The following NKAIN2 variants were observed in gnomAD, a reference collection of about 807,000 sequenced individuals.
NKAIN2 encodes sodium/potassium-transporting ATPase subunit beta-1-interacting protein 2.
NKAIN2 carries 14 observed loss-of-function variants against 32.6 expected under a neutral mutation model. That is an observed-to-expected ratio of 0.43 (90% CI 0.28 to 0.67). NKAIN2 has a LOEUF of 0.67. Among genes scored for constraint, NKAIN2 ranks in the 30% least tolerant of loss-of-function variants. The probability of loss-of-function intolerance (pLI) is 0.17; values close to 1 mark genes in which losing one functional copy is unlikely to be tolerated. For missense variants in NKAIN2, 198 were observed against 258.3 expected, an observed-to-expected ratio of 0.77 and a Z score of 1.60; for synonymous variants, 80 against 87.2, an observed-to-expected ratio of 0.92 and a Z score of 0.46.
At chr6:124,394,487 A>ATAGATAGATAGG (rs1053064068) in intron 3 of NKAIN2, among the ~76,000 whole-genome samples, 5 of 151,588 alleles carry the variant, frequency 3.3e-5, no homozygotes, top group Admixed American at 3.3e-4. Flanking sequence ...AGATAGATAG[A>ATAGATAGATAGG]TAGATAGATA....
chr6:124,424,108 C>G (rs1562175598), intron 3 of NKAIN2, among the ~76,000 whole-genome samples: 1 of 152,154 alleles, frequency 6.6e-6, no homozygotes, highest in Non-Finnish European at 1.5e-5. Flanking sequence ...GTTCTCCTGT[C>G]TCAGCCTCCT....
At position 124,270,585 on chromosome 6, in the gene NKAIN2, C is replaced by T. The variant is rs75396191; in HGVS notation, c.55-12420C>T. On this transcript the variant is annotated intron_variant, in intron 1 of 6. Coordinates refer to ENST00000368417, the MANE Select transcript of NKAIN2 (RefSeq NM_001040214.3). ...ACCATATGATACATGAACATAAGAA[C>T]ATTGCAAGCTATTTTTATTTGGCTT... Among the ~76,000 whole-genome samples, 95 of 152,252 alleles carry T rather than the reference C, an allele frequency of 6.2e-4. No individual in the cohort carries two copies. The East Asian group carries it at 0.017, about 28-fold the overall frequency.
At chr6:124,576,010 A>C (rs492958) in intron 3 of NKAIN2, among the ~76,000 whole-genome samples, 101,774 of 152,088 alleles carry the variant, frequency 0.67, 35,407 homozygotes, top group Admixed American at 0.78. Context: ...TGAACTGTTG[A>C]GGTAGAAATT....
At position 124,815,225 on chromosome 6, in the gene NKAIN2, C is replaced by CATATATATACAT. The variant is rs1554268825; in HGVS notation, c.536-3153_536-3152insCATATATATATA. ...TCCCCAGTCTTAAACTATATATATA[C>CATATATATACAT]ATATATATATATATATGTATATATG... On this transcript the variant is annotated intron_variant, in intron 5 of 6. Coordinates refer to ENST00000368417, the MANE Select transcript of NKAIN2 (RefSeq NM_001040214.3). Among the ~76,000 whole-genome samples, 30 of 136,994 alleles carry CATATATATACAT rather than the reference C, an allele frequency of 2.2e-4. No homozygotes were observed. In the East Asian group the frequency reaches 5.4e-3, roughly 25 times the overall value. The allele number at this position is 136,994 out of a possible 152,430, so 89.9% of individuals were successfully genotyped here.
chr6:124,414,249 T>C (rs560828614), intron 3 of NKAIN2, among the ~76,000 whole-genome samples: 55 of 152,282 alleles, frequency 3.6e-4, no homozygotes, highest in African/African-American at 1.1e-3. Flanking sequence ...AATGTGTGAA[T>C]AGATTTTTAT....
rs556935192 is a variant in NKAIN2, at chr6:124,572,485, A to T, written c.274-85701A>T. Among the ~76,000 whole-genome samples the T allele has an allele frequency of 3.9e-5, 6 of 152,354 alleles. No homozygotes were observed. The South Asian group carries it at 1.2e-3, about 32-fold the overall frequency. On this transcript the variant is annotated intron_variant, in intron 3 of 6. Coordinates refer to ENST00000368417, the MANE Select transcript of NKAIN2 (RefSeq NM_001040214.3). ...CTCAAAAAATGTTGAATCCCAGTTAATCTTTCCGGTAAATTATTTATTTTC... is the reference window on the plus strand; with the variant it reads ...CTCAAAAAATGTTGAATCCCAGTTATTCTTTCCGGTAAATTATTTATTTTC...
intron 5 of NKAIN2, among the ~76,000 whole-genome samples, chr6:124,802,445 T>C (rs565756184): frequency 6.6e-6 from 1 of 152,178 alleles, no homozygotes; most frequent in Non-Finnish European, 1.5e-5. Context: ...ATCTAATCCA[T>C]CCAAATGGCA....
At chr6:124,369,880 A>ATTTTTTTTTT (rs61588781) in intron 3 of NKAIN2, among the ~76,000 whole-genome samples, 5,125 of 82,182 alleles carry the variant, frequency 0.062, 589 homozygotes, top group African/African-American at 0.14. Flanking sequence ...CAGAATGTCA[A>ATTTTTTTTTT]TTTTTTTTTT....
intron 3 of NKAIN2, among the ~76,000 whole-genome samples, chr6:124,360,513 T>G (rs527527399): frequency 2.0e-5 from 3 of 152,176 alleles, no homozygotes; most frequent in Non-Finnish European, 4.4e-5. Flanking sequence ...AGTTAATATA[T>G]TTTCTTCATT....
At chr6:124,559,732 G>A (rs1019279122) in intron 3 of NKAIN2, among the ~76,000 whole-genome samples, 19 of 151,764 alleles carry the variant, frequency 1.3e-4, no homozygotes, top group African/African-American at 3.6e-4. Context: ...GGGATGCCAC[G>A]TCCTGGGTCA....
At chr6:123,907,761 T>A (rs920859589) in intron 1 of NKAIN2, among the ~76,000 whole-genome samples, 2 of 152,130 alleles carry the variant, frequency 1.3e-5, no homozygotes, top group Non-Finnish European at 2.9e-5. Context: ...TTAAAATCTA[T>A]TCTGAGAGTT....
intron 1 of NKAIN2, among the ~76,000 whole-genome samples, chr6:123,846,424 T>A (rs1775093691): frequency 6.6e-6 from 1 of 152,192 alleles, no homozygotes. Context: ...CAAATAGCTA[T>A]GGGCTGTTTT....
intron 1 of NKAIN2, among the ~76,000 whole-genome samples, chr6:124,122,218 C>T (rs1400869967): frequency 1.3e-5 from 2 of 151,954 alleles, no homozygotes; most frequent in Non-Finnish European, 2.9e-5. Flanking sequence ...ACTGTCCATT[C>T]GTCTGCTTTA....
chr6:124,054,460 A>G (rs1356200686), intron 1 of NKAIN2, among the ~76,000 whole-genome samples: 1 of 152,106 alleles, frequency 6.6e-6, no homozygotes, highest in African/African-American at 2.4e-5. Flanking sequence ...GGCAGTACCT[A>G]TTAAATATTG....
At chr6:124,037,976 A>C (rs1036649139) in intron 1 of NKAIN2, among the ~76,000 whole-genome samples, 1 of 152,164 alleles carries the variant, frequency 6.6e-6, no homozygotes, top group African/African-American at 2.4e-5. Context: ...GCAAGATTGA[A>C]TGGATAAACA....
intron 2 of NKAIN2, among the ~76,000 whole-genome samples, chr6:124,345,323 G>T (rs1427857718): frequency 6.6e-6 from 1 of 152,036 alleles, no homozygotes; most frequent in Non-Finnish European, 1.5e-5. Flanking sequence ...GCCAGTCTTT[G>T]GTATCAGGAT....
At chr6:124,082,154 GGGAA>G (rs773361418) in intron 1 of NKAIN2, among the ~76,000 whole-genome samples, 43 of 152,054 alleles carry the variant, frequency 2.8e-4, no homozygotes, top group South Asian at 1.0e-3. Flanking sequence ...GCAACAGGAA[GGGAA>G]GGGAGACCTG....
chr6:124,344,197 G>A (rs1180732858), intron 2 of NKAIN2, among the ~76,000 whole-genome samples: 3 of 152,112 alleles, frequency 2.0e-5, no homozygotes, highest in Non-Finnish European at 4.4e-5. Context: ...CTATATCTCT[G>A]TTTTGGTACC....
intron 1 of NKAIN2, among the ~76,000 whole-genome samples, chr6:123,914,140 T>G (rs1389385813): frequency 6.6e-6 from 1 of 151,978 alleles, no homozygotes; most frequent in Non-Finnish European, 1.5e-5. Flanking sequence ...GTTAGTCTGG[T>G]GAGGGCCCTC....
Sources: gnomAD v4.1 joint callset for allele counts (sites outside exome capture counted in the v4.1 genomes callset) on GRCh38, gnomAD v4.1.1 for gene constraint, MANE v1.5 for transcripts, NCBI Gene and HGNC (gene_info 2026-07-23, HGNC 2026-07-21) for gene names.